The following IQGAP2 variants were observed in gnomAD, a reference collection of about 807,000 sequenced individuals.
IQGAP2 encodes IQ motif containing GTPase activating protein 2, also known as ras GTPase-activating-like protein IQGAP2.
Under a neutral mutation model 201.3 loss-of-function variants are expected in IQGAP2, and 173 were observed. The ratio of observed to expected loss-of-function variants is 0.86; its 90% CI spans 0.76 to 0.98. The LOEUF (loss-of-function observed/expected upper bound fraction) is 0.98. Ranked by LOEUF, IQGAP2 falls within the 50% of genes least tolerant of loss-of-function variation. The pLI is 0.00. For missense variants in IQGAP2, 1,687 were observed against 1,864.8 expected, an observed-to-expected ratio of 0.90 and a Z score of 1.76; for synonymous variants, 675 against 673.9, an observed-to-expected ratio of 1.00 and a Z score of -0.03.
intron 22 of IQGAP2, 69 bp downstream of exon 22, chr5:76,665,244 G>T: frequency 7.3e-7 from 1 of 1,376,802 alleles, no homozygotes; most frequent in South Asian, 1.3e-5. Context: ...GGCTTACAGG[G>T]AGTATTTTGT....
chr5:76,638,451 AGACT>A (rs1178638152), intron 16 of IQGAP2, among the ~76,000 whole-genome samples: 2 of 152,212 alleles, frequency 1.3e-5, no homozygotes, highest in Non-Finnish European at 2.9e-5. Flanking sequence ...GTTATAAACA[AGACT>A]GGCTGGAGTC....
chr5:76,473,060 C>T (rs1284264136), intron 2 of IQGAP2, among the ~76,000 whole-genome samples: 1 of 152,214 alleles, frequency 6.6e-6, no homozygotes, highest in Admixed American at 6.5e-5. Flanking sequence ...TATTCAGTGT[C>T]GCAGCCAACA....
intron 28 of IQGAP2, among the ~76,000 whole-genome samples, chr5:76,681,593 C>T (rs1343068785): frequency 6.6e-6 from 1 of 151,392 alleles, no homozygotes. Flanking sequence ...AACCCTTGCA[C>T]CCCGTTGGTG....
intron 9 of IQGAP2, among the ~76,000 whole-genome samples, chr5:76,593,774 T>G (rs1052388512): frequency 6.6e-6 from 1 of 152,166 alleles, no homozygotes; most frequent in Non-Finnish European, 1.5e-5. Flanking sequence ...AAATTTGGAG[T>G]ATCCACTAAT....
intron 11 of IQGAP2, among the ~76,000 whole-genome samples, chr5:76,604,957 T>C (rs6889168): frequency 0.32 from 48,147 of 152,080 alleles, 9,930 homozygotes; most frequent in Non-Finnish European, 0.47. Context: ...AGACTTCATA[T>C]AATGTTTCTT....
chr5:76,419,766 C>T (rs1751628201), intron 1 of IQGAP2, among the ~76,000 whole-genome samples: 1 of 151,744 alleles, frequency 6.6e-6, no homozygotes, highest in Non-Finnish European at 1.5e-5. Flanking sequence ...AGCTTTACCA[C>T]CTGTTGACAT....
At chr5:76,626,364 C>T (rs142956787) in intron 13 of IQGAP2, among the ~76,000 whole-genome samples, 164 of 150,454 alleles carry the variant, frequency 1.1e-3, no homozygotes, top group Admixed American at 1.6e-3. Context: ...CCTCCACCCA[C>T]CAGGTTCAAG....
chr5:76,697,863 G>A (rs910287274), intron 32 of IQGAP2, 124 bp from the exon 33 acceptor site: 1 of 651,540 alleles, frequency 1.5e-6, no homozygotes. Flanking sequence ...AGGTGCCTGA[G>A]ATAAGCTACA....
intron 2 of IQGAP2, among the ~76,000 whole-genome samples, chr5:76,504,913 C>G (rs1360573147): frequency 6.6e-6 from 1 of 152,190 alleles, no homozygotes; most frequent in Non-Finnish European, 1.5e-5. Context: ...AGCTGTCCCT[C>G]TCTGCCCTGC....
At chr5:76,537,969 G>T (rs2150215663) in intron 2 of IQGAP2, among the ~76,000 whole-genome samples, 1 of 152,286 alleles carries the variant, frequency 6.6e-6, no homozygotes, top group Non-Finnish European at 1.5e-5. Flanking sequence ...AGTAGATGTT[G>T]TATTTGAGTG....
chr5:76,633,745 TG>T (rs2150388476), intron 15 of IQGAP2, among the ~76,000 whole-genome samples: 1 of 152,328 alleles, frequency 6.6e-6, no homozygotes, highest in East Asian at 1.9e-4. Context: ...TTTCTGTCTT[TG>T]GCCTATTTTG....
intron 21 of IQGAP2, among the ~76,000 whole-genome samples, chr5:76,662,261 G>A (rs1174115177): frequency 1.3e-5 from 2 of 152,188 alleles, no homozygotes; most frequent in Non-Finnish European, 2.9e-5. Flanking sequence ...CCACCGGCCC[G>A]TCCTCTCTCT....
At chr5:76,652,870 T>A in intron 18 of IQGAP2, 37 bp downstream of exon 18, 1 of 1,285,866 alleles carries the variant, frequency 7.8e-7, no homozygotes, top group Non-Finnish European at 1.1e-6. Context: ...GTGCTTGGCT[T>A]AAACGTTTCC....
chr5:76,689,465 C>T (rs1275912974), intron 30 of IQGAP2, among the ~76,000 whole-genome samples: 2 of 152,044 alleles, frequency 1.3e-5, no homozygotes, highest in Admixed American at 1.3e-4. Context: ...TAAAACTATG[C>T]AGTTGTCAAC....
At chr5:76,672,364 G>C (rs1053290274) in intron 24 of IQGAP2, among the ~76,000 whole-genome samples, 1 of 152,116 alleles carries the variant, frequency 6.6e-6, no homozygotes, top group Non-Finnish European at 1.5e-5. Context: ...GGCTTATTCT[G>C]GGTGGGTGGT....
Position 76,701,106 on chromosome 5 carries a change from A to T in IQGAP2, c.4398A>T (p.Gly1466=). The T allele has an allele frequency of 6.2e-7, 1 of 1,614,006 alleles. No individual in the cohort carries two copies. Among genetic ancestry groups the T allele is most frequent in the Non-Finnish European group, 8.5e-7 (1 of 1,179,848 alleles). The part of the protein sequence containing the change: ...KNTRRSIKLD[G]KGEPKGAKRA... ...CTCGGAGATCAATTAAACTAGATGG[A>T]AAAGGAGAACCCAAAGGGGCGAAGA... is the stretch of plus-strand genomic sequence containing the variant. The change falls in exon 34 of 36, where the codon GGA becomes GGT. Residue 1466 remains glycine, a synonymous_variant. Coordinates refer to ENST00000274364, the MANE Select transcript of IQGAP2 (RefSeq NM_006633.5).
chr5:76,551,655 C>CCAGCT (rs781065641), intron 2 of IQGAP2, among the ~76,000 whole-genome samples: 2 of 40,232 alleles, frequency 5.0e-5, no homozygotes, highest in Admixed American at 5.1e-4. Context: ...GAGCTGGAGA[C>CCAGCT]CAGCCCAGCC....
At chr5:76,695,227 A>C (rs895667134) in intron 31 of IQGAP2, among the ~76,000 whole-genome samples, 4 of 152,252 alleles carry the variant, frequency 2.6e-5, no homozygotes, top group African/African-American at 9.6e-5. Flanking sequence ...CCTTGGCAAT[A>C]AAGTAGCTAT....
chr5:76,627,625 A>T, intron 14 of IQGAP2, 125 bp downstream of exon 14: 1 of 634,500 alleles, frequency 1.6e-6, no homozygotes. Flanking sequence ...TTGGACACAT[A>T]ATTATACCGA....
Sources: allele counts gnomAD v4.1 joint callset (sites outside exome capture counted in the v4.1 genomes callset), GRCh38; gene constraint gnomAD v4.1.1; transcripts MANE v1.5; gene names NCBI Gene and HGNC (gene_info 2026-07-23, HGNC 2026-07-21).